NRG2: variants seen among roughly 807,000 people sequenced by gnomAD.
NRG2 encodes the protein pro-neuregulin-2, membrane-bound isoform.
NRG2 carries 27 observed loss-of-function variants against 73.9 expected under a neutral mutation model. The observed-to-expected ratio is 0.37, with a 90% CI of 0.27 to 0.50. The LOEUF (loss-of-function observed/expected upper bound fraction) is 0.50. Ranked by LOEUF, NRG2 falls within the 20% of genes least tolerant of loss-of-function variation. NRG2 has a pLI of 0.96. For missense variants in NRG2, 1,126 were observed against 1,210.1 expected (o/e 0.93, Z 1.03); for synonymous variants, 532 against 541.0 (o/e 0.98, Z 0.23).
intron 1 of NRG2, among the ~76,000 whole-genome samples, chr5:140,012,741 T>C (rs1759461810): frequency 6.6e-6 from 1 of 152,218 alleles, no homozygotes; most frequent in African/African-American, 2.4e-5. Flanking sequence ...TTTTACTGAT[T>C]CTCACAGTGA....
Position 139,908,941 on chromosome 5 carries a change from C to G in NRG2, c.701-21430G>C, listed in dbSNP as rs564942308. Among the ~76,000 whole-genome samples, 309 of 152,358 alleles carry G rather than the reference C, an allele frequency of 2.0e-3. 1 individual carries two copies. The highest frequency in any genetic ancestry group is 4.1e-3 in the Admixed American group (63 of 15,308). ...GGAGCACCTCTGGCCTGGACCAGGG[C>G]TCTTGCCAGGAGCTTGAAAATGACC... On this transcript the variant is annotated intron_variant, in intron 1 of 9. Transcript: ENST00000361474.
chr5:139,964,807 C>T (rs770926216), intron 1 of NRG2, among the ~76,000 whole-genome samples: 1 of 152,226 alleles, frequency 6.6e-6, no homozygotes, highest in Admixed American at 6.5e-5. Context: ...CAACTTTCCC[C>T]ATGACCCTCA....
chr5:139,930,734 C>T (rs898145188), intron 1 of NRG2, among the ~76,000 whole-genome samples: 1 of 152,176 alleles, frequency 6.6e-6, no homozygotes, highest in African/African-American at 2.4e-5. Flanking sequence ...TTTGGGCTAC[C>T]AAGCAGGGGT....
chr5:139,956,967 C>T (rs1426879254), intron 1 of NRG2, among the ~76,000 whole-genome samples: 1 of 152,162 alleles, frequency 6.6e-6, no homozygotes, highest in African/African-American at 2.4e-5. Context: ...ATGGCTTTCC[C>T]CCTGAGGCAA....
chr5:139,917,767 C>T (rs940437660), intron 1 of NRG2, among the ~76,000 whole-genome samples: 5 of 151,932 alleles, frequency 3.3e-5, no homozygotes, highest in Non-Finnish European at 7.4e-5. Flanking sequence ...ATTGTAAGAG[C>T]TCTTTATATA....
At chr5:139,928,811 C>T (rs187852211) in intron 1 of NRG2, among the ~76,000 whole-genome samples, 2 of 152,280 alleles carry the variant, frequency 1.3e-5, no homozygotes, top group East Asian at 3.9e-4. Context: ...TTTCCTCAGT[C>T]ACTTGAGCTG....
At chr5:139,975,558 A>T (rs1309454924) in intron 1 of NRG2, among the ~76,000 whole-genome samples, 1 of 152,210 alleles carries the variant, frequency 6.6e-6, no homozygotes, top group African/African-American at 2.4e-5. Context: ...TGCAGGAGTA[A>T]CCCTATGGGC....
rs375774466 is a variant in NRG2, at chr5:140,005,810, C to A, written c.700+36560G>T. Reference sequence around the variant, plus strand: ...TTTGCCAAGAGTGCCTAGAATGCATCCTGGAGCTTGGGGAAATGCATAGGA... The same window carrying A: ...TTTGCCAAGAGTGCCTAGAATGCATACTGGAGCTTGGGGAAATGCATAGGA... On this transcript the variant is annotated intron_variant, in intron 1 of 9. Coordinates refer to ENST00000361474, the MANE Select transcript of NRG2 (RefSeq NM_004883.3). Among the ~76,000 whole-genome samples the A allele has an allele frequency of 3.7e-4, 57 of 152,270 alleles. No individual in the cohort carries two copies. The East Asian group carries it at 6.2e-3, about 17-fold the overall frequency.
At chr5:139,919,176 G>A (rs1386226203) in intron 1 of NRG2, among the ~76,000 whole-genome samples, 2 of 152,096 alleles carry the variant, frequency 1.3e-5, no homozygotes, top group Admixed American at 6.6e-5. Flanking sequence ...TCCACTCAAA[G>A]TCAGGGAAAT....
intron 1 of NRG2, among the ~76,000 whole-genome samples, chr5:139,928,031 G>A (rs1469949268): frequency 6.6e-6 from 1 of 152,024 alleles, no homozygotes; most frequent in Admixed American, 6.6e-5. Flanking sequence ...GAAAGCATGA[G>A]CCATCCCAAT....
chr5:139,924,524 A>C (rs1159629271), intron 1 of NRG2, among the ~76,000 whole-genome samples: 1 of 152,172 alleles, frequency 6.6e-6, no homozygotes, highest in South Asian at 2.1e-4. Flanking sequence ...GGTTTCACAT[A>C]ATAATGTGTT....
At chr5:140,016,901 T>C (rs1384203244) in intron 1 of NRG2, among the ~76,000 whole-genome samples, 4 of 152,110 alleles carry the variant, frequency 2.6e-5, no homozygotes, top group Non-Finnish European at 4.4e-5. Flanking sequence ...GCTGATGAAG[T>C]CAGCACAGGT....
At chr5:139,936,828 A>G (rs954940104) in intron 1 of NRG2, among the ~76,000 whole-genome samples, 1 of 152,128 alleles carries the variant, frequency 6.6e-6, no homozygotes, top group African/African-American at 2.4e-5. Flanking sequence ...TTGAGATGGC[A>G]TCTTGCTCTG....
rs548080475 is a variant in NRG2 at position 140,008,643 on chromosome 5, G to C, written c.700+33727C>G. ...ATATACACTACAGTGAATTCCAGACGGGTCAGCATTAAATGCCAACTTAAA... is the reference window on the plus strand; with the variant it reads ...ATATACACTACAGTGAATTCCAGACCGGTCAGCATTAAATGCCAACTTAAA... On this transcript the variant is annotated intron_variant, in intron 1 of 9. Coordinates refer to ENST00000361474, the MANE Select transcript of NRG2 (RefSeq NM_004883.3). The surrounding 1 kb of genome is among the most constrained non-coding windows in gnomAD (Gnocchi z 4.2). Among the ~76,000 whole-genome samples, 46 of 152,206 alleles carry C rather than the reference G, an allele frequency of 3.0e-4. No homozygotes were observed. Among genetic ancestry groups the C allele is most frequent in the Non-Finnish European group, 4.6e-4 (31 of 68,026 alleles).
At position 139,853,134 on chromosome 5, in the gene NRG2, C is replaced by T. The variant is rs2127004719; in HGVS notation, c.1293-107G>A. The T allele has an allele frequency of 6.7e-7, 1 of 1,486,328 alleles. No homozygotes were observed. Among genetic ancestry groups the T allele is most frequent in the Non-Finnish European group, 9.2e-7 (1 of 1,091,122 alleles). The allele number at this position is 1,486,328 out of a possible 1,614,324, so 92.1% of individuals were successfully genotyped here. On this transcript the variant is annotated intron_variant, in intron 6 of 9. Transcript: ENST00000361474. The surrounding 1 kb of genome is among the most constrained non-coding windows in gnomAD (Gnocchi z 4.1). ...CAGCTTTTCCTCCTGCCCAGGGTGG[C>T]CATGGCTACTGCTCGTCCCTGTACT...
chr5:139,947,348 A>G (rs568846102), intron 1 of NRG2, among the ~76,000 whole-genome samples: 2 of 152,298 alleles, frequency 1.3e-5, no homozygotes, highest in African/African-American at 4.8e-5. Context: ...GTCATTTGTG[A>G]CTGGCTTCTT....
chr5:139,873,579 C>T (rs2127080126), intron 3 of NRG2, among the ~76,000 whole-genome samples: 1 of 152,376 alleles, frequency 6.6e-6, no homozygotes, highest in East Asian at 1.9e-4. Context: ...TCCTCCCCAT[C>T]AGCACCCAGG....
At chr5:139,848,779 G>GGGGGGGGGGGGGGGGC in intron 9 of NRG2, 82 bp from the exon 10 acceptor site, 1 of 198,602 alleles carries the variant, frequency 5.0e-6, no homozygotes. Flanking sequence ...GGTAGGGTGG[G>GGGGGGGGGGGGGGGGC]AGGGGCGGAC....
chr5:139,855,943 C>T (rs1324367090), intron 5 of NRG2, among the ~76,000 whole-genome samples, 165 bp from the exon 6 acceptor site: 1 of 152,234 alleles, frequency 6.6e-6, no homozygotes, highest in Non-Finnish European at 1.5e-5. Context: ...CTCCTACATG[C>T]TCTGTTTTGC....
Sources: allele counts gnomAD v4.1 joint callset (sites outside exome capture counted in the v4.1 genomes callset), GRCh38; gene constraint gnomAD v4.1.1; non-coding constraint Gnocchi (gnomAD v3.1); transcripts MANE v1.5; gene names NCBI Gene and HGNC (gene_info 2026-07-23, HGNC 2026-07-21).